Variants in CWF19L2 observed in about 807,000 individuals in gnomAD.
CWF19L2 encodes CWF19-like protein 2.
A neutral mutation model predicts 111.7 loss-of-function variants in CWF19L2; 98 were observed. That is an observed-to-expected ratio of 0.88 (90% confidence interval 0.75 to 1.04). The LOEUF (loss-of-function observed/expected upper bound fraction) is 1.04. Ranked by LOEUF, CWF19L2 falls within the 50% of genes least tolerant of loss-of-function variation. The pLI, the probability that CWF19L2 is intolerant of heterozygous loss-of-function variation, is 0.00. For synonymous variants in CWF19L2, 351 were observed against 342.9 expected (o/e 1.02, Z -0.26); for missense variants, 1,101 against 1,051.4 (o/e 1.05, Z -0.65).
At chr11:107,386,671 T>C (rs1311401495) in intron 12 of CWF19L2, among the ~76,000 whole-genome samples, 1 of 152,190 alleles carries the variant, frequency 6.6e-6, no homozygotes, top group Non-Finnish European at 1.5e-5. Context: ...CTTAGTTTTA[T>C]TTGCTGAATC....
intron 12 of CWF19L2, among the ~76,000 whole-genome samples, chr11:107,367,277 C>A (rs1326881718): frequency 7.4e-6 from 1 of 134,788 alleles, no homozygotes; most frequent in Non-Finnish European, 1.6e-5. Context: ...GGCGATTCCT[C>A]GGGGATCTAG....
chr11:107,404,382 G>A, intron 10 of CWF19L2: 1 of 788,412 alleles, frequency 1.3e-6, no homozygotes, highest in Non-Finnish European at 2.4e-6. Flanking sequence ...TAGGGCATCA[G>A]CAGCTTATCT....
At chr11:107,333,584 A>C (rs192454751) in intron 16 of CWF19L2, among the ~76,000 whole-genome samples, 21 of 152,358 alleles carry the variant, frequency 1.4e-4, no homozygotes, top group African/African-American at 4.1e-4. Flanking sequence ...AAAGGAGAGA[A>C]GTAAACAGTA....
At chr11:107,414,477 A>C (rs1004673404) in intron 10 of CWF19L2, among the ~76,000 whole-genome samples, 4 of 152,196 alleles carry the variant, frequency 2.6e-5, no homozygotes, top group Admixed American at 6.5e-5. Flanking sequence ...TATCACTTAC[A>C]TGTTAATAAC....
chr11:107,426,651 T>A (rs1861381569), intron 8 of CWF19L2, among the ~76,000 whole-genome samples: 1 of 151,758 alleles, frequency 6.6e-6, no homozygotes, highest in African/African-American at 2.4e-5. Context: ...TAAAAAAATG[T>A]AGGTACATAT....
rs759530365 is a variant in CWF19L2, at chr11:107,336,672, T to G, written c.2244A>C (p.Gly748=). 4 of 1,553,646 alleles carry G rather than the reference T, an allele frequency of 2.6e-6. No individual in the cohort carries two copies. In the East Asian group the frequency reaches 9.1e-5, roughly 35 times the overall value. The change falls in exon 15 of 18, where the codon GGA becomes GGC. Residue 748 remains glycine (G), a synonymous_variant. Coordinates refer to ENST00000282251, the MANE Select transcript of CWF19L2 (RefSeq NM_152434.3). ...KSLVKMFEDK[G]LDCIFLETNM... Reference sequence around the variant, plus strand: ...TAGTTTCCAAAAAAATGCAGTCTAATCCTTTATCTTCAAACATCTTTACCA... The same window carrying G: ...TAGTTTCCAAAAAAATGCAGTCTAAGCCTTTATCTTCAAACATCTTTACCA...
At chr11:107,390,658 T>A (rs1383096657) in intron 11 of CWF19L2, among the ~76,000 whole-genome samples, 1 of 152,342 alleles carries the variant, frequency 6.6e-6, no homozygotes, top group Middle Eastern at 3.4e-3. Flanking sequence ...AAAATTCACA[T>A]GTTGAAATCT....
rs780058328 is a variant in CWF19L2 at position 107,370,568 on chromosome 11, C to T, written c.1873-16832G>A. On this transcript the variant is annotated intron_variant, in intron 12 of 17. Transcript: ENST00000282251. ...TCAAGGGAAAAAAAAAAAACAACTG[C>T]ATGGCCTGGGAAAAGAGAAGAAATC... Among the ~76,000 whole-genome samples the T allele has an allele frequency of 7.5e-5, 10 of 132,762 alleles. 1 individual carries two copies. The highest frequency in any genetic ancestry group is 1.3e-4 in the Non-Finnish European group (8 of 63,004). The allele number at this position is 132,762 out of a possible 152,430, so 87.1% of individuals were successfully genotyped here.
At position 107,434,936 on chromosome 11, in the gene CWF19L2, C is replaced by G. The variant is rs1157079026; in HGVS notation, c.665-1187G>C. On this transcript the variant is annotated intron_variant, in intron 6 of 17. Coordinates refer to ENST00000282251, the MANE Select transcript of CWF19L2 (RefSeq NM_152434.3). ...TGAAAATGATCAGTCTGCTGCTGTACACTTGTGGTTTGTGTATTTATGTAC... is the reference window on the plus strand; with the variant it reads ...TGAAAATGATCAGTCTGCTGCTGTAGACTTGTGGTTTGTGTATTTATGTAC... Among the ~76,000 whole-genome samples, 8 of 151,964 alleles carry G rather than the reference C, an allele frequency of 5.3e-5. No individual in the cohort carries two copies. In the East Asian group the frequency reaches 1.5e-3, roughly 29 times the overall value.
intron 12 of CWF19L2, among the ~76,000 whole-genome samples, chr11:107,371,402 A>G (rs1346146323): frequency 7.3e-6 from 1 of 137,784 alleles, no homozygotes; most frequent in Admixed American, 7.1e-5. Context: ...AGAGATAAGG[A>G]TAGGAATTAG....
intron 12 of CWF19L2, among the ~76,000 whole-genome samples, chr11:107,386,733 T>C (rs993155012): frequency 6.6e-6 from 1 of 152,142 alleles, no homozygotes; most frequent in African/African-American, 2.4e-5. Context: ...AATAATTTCT[T>C]TGATCTCATT....
intron 4 of CWF19L2, 134 bp from the exon 5 acceptor site, chr11:107,441,756 G>C: frequency 1.2e-6 from 1 of 809,658 alleles, no homozygotes; most frequent in Non-Finnish European, 1.7e-6. Flanking sequence ...AGTCCTACAT[G>C]GCTATATAAC....
intron 13 of CWF19L2, among the ~76,000 whole-genome samples, chr11:107,351,556 GAAC>G (rs1860156276): frequency 6.6e-6 from 1 of 152,166 alleles, no homozygotes; most frequent in African/African-American, 2.4e-5. Flanking sequence ...GTCATGAAAT[GAAC>G]AGAACATTTC....
chr11:107,407,005 A>G lies in CWF19L2; in HGVS notation c.1617+9204T>C, dbSNP rs923841581. On this transcript the variant is annotated intron_variant, in intron 10 of 17. Transcript: ENST00000282251. ...TAGACAAGACCATAATAAATATTAT[A>G]AGATTTTTCTATGATTCACTGTGAT... 6.2e-4 allele frequency among the ~76,000 whole-genome samples: 95 copies of G among 152,098 alleles called. 1 individual carries two copies. The highest frequency in any genetic ancestry group is 2.2e-3 in the African/African-American group (91 of 41,558).
chr11:107,381,964 T>C (rs1860693377), intron 12 of CWF19L2, among the ~76,000 whole-genome samples: 3 of 152,144 alleles, frequency 2.0e-5, no homozygotes, highest in Admixed American at 2.0e-4. Context: ...CATTCCCCTC[T>C]TACACCTTTC....
intron 5 of CWF19L2, among the ~76,000 whole-genome samples, chr11:107,440,195 A>G (rs1861602194): frequency 6.6e-6 from 1 of 152,128 alleles, no homozygotes; most frequent in East Asian, 1.9e-4. Context: ...ACCGAAGTTG[A>G]CCCTGGGAGT....
At chr11:107,399,421 T>C (rs1860969302) in intron 10 of CWF19L2, among the ~76,000 whole-genome samples, 1 of 152,182 alleles carries the variant, frequency 6.6e-6, no homozygotes, top group Admixed American at 6.5e-5. Flanking sequence ...GAGGAGTAGC[T>C]ATTCTTATAT....
At chr11:107,419,233 G>A (rs2135400365) in intron 8 of CWF19L2, among the ~76,000 whole-genome samples, 1 of 152,310 alleles carries the variant, frequency 6.6e-6, no homozygotes, top group Middle Eastern at 3.4e-3. Context: ...AAAGAGTCTT[G>A]CTTCATTAGT....
At chr11:107,352,264 T>TC (rs1860166100) in intron 13 of CWF19L2, among the ~76,000 whole-genome samples, 1 of 113,176 alleles carries the variant, frequency 8.8e-6, no homozygotes, top group East Asian at 2.6e-4. Context: ...ACCTAAATAT[T>TC]CCTCTTTCGT....
Sources: gnomAD v4.1 joint callset for allele counts (sites outside exome capture counted in the v4.1 genomes callset) on GRCh38, gnomAD v4.1.1 for gene constraint, MANE v1.5 for transcripts, NCBI Gene and HGNC (gene_info 2026-07-23, HGNC 2026-07-21) for gene names.